The following RET variants were observed in gnomAD, a reference collection of about 807,000 sequenced individuals.
RET encodes the protein proto-oncogene tyrosine-protein kinase receptor Ret.
RET carries 19 observed loss-of-function variants against 118.3 expected under a neutral mutation model. The observed-to-expected ratio is 0.16, with a 90% confidence interval of 0.11 to 0.24. The LOEUF is 0.24. Ranked by LOEUF, RET falls within the 10% of genes least tolerant of loss-of-function variation. RET has a pLI of 1.00. For missense variants in RET, 1,219 were observed against 1,502.1 expected, an observed-to-expected ratio of 0.81 and a Z score of 3.12; for synonymous variants, 597 against 644.1, an observed-to-expected ratio of 0.93 and a Z score of 1.11.
At chr10:43,123,604 C>T in intron 16 of RET, 67 bp from the exon 17 acceptor site, 1 of 1,608,132 alleles carries the variant, frequency 6.2e-7, no homozygotes, top group Non-Finnish European at 8.5e-7. Flanking sequence ...GGGTGGATAT[C>T]TGGGCCCCCC....
chr10:43,099,808 A>G (rs1289585744), intron 1 of RET, among the ~76,000 whole-genome samples: 3 of 152,138 alleles, frequency 2.0e-5, no homozygotes, highest in African/African-American at 7.2e-5. Context: ...TCACCTTGGC[A>G]TGGTTTGTGT....
chr10:43,114,603 C>A lies in RET; in HGVS notation c.2003C>A (p.Pro668His), dbSNP rs1482522995. ...HCYHKFAHKP[P>H]ISSAEMTFRR... Reference sequence around the variant, plus strand: ...TACCACAAGTTTGCCCACAAGCCACCCATCTCCTCAGCTGAGATGACCTTC... The same window carrying A: ...TACCACAAGTTTGCCCACAAGCCACACATCTCCTCAGCTGAGATGACCTTC... The change falls in exon 11 of 20, where the codon CCC becomes CAC. Residue 668 changes from proline to histidine, a missense_variant. Pro to His is a moderately conservative substitution (Grantham distance 77). Transcript: ENST00000355710. The surrounding 1 kb of genome is among the most constrained non-coding windows in gnomAD (Gnocchi z 4.6). The A allele has an allele frequency of 6.2e-7, 1 of 1,613,180 alleles. No homozygotes were observed. The highest frequency in any genetic ancestry group is 8.5e-7 in the Non-Finnish European group (1 of 1,180,014).
intron 3 of RET, among the ~76,000 whole-genome samples, chr10:43,103,988 G>A (rs1400298786): frequency 1.3e-5 from 2 of 152,312 alleles, no homozygotes; most frequent in Middle Eastern, 3.4e-3. Flanking sequence ...GGTCAGGCTC[G>A]TTGAAGACTG....
intron 8 of RET, among the ~76,000 whole-genome samples, chr10:43,112,572 C>A (rs1837964255): frequency 6.6e-6 from 1 of 152,214 alleles, no homozygotes. Context: ...CAGAGGCCAG[C>A]CTGGGTGTGC....
intron 11 of RET, among the ~76,000 whole-genome samples, chr10:43,116,315 G>T (rs1838068679): frequency 6.6e-6 from 1 of 152,228 alleles, no homozygotes; most frequent in Non-Finnish European, 1.5e-5. Flanking sequence ...GGTCAGGGGA[G>T]ACAGTAGACC....
intron 19 of RET, chr10:43,127,554 A>G (rs903227969): frequency 1.4e-5 from 14 of 965,786 alleles, no homozygotes; most frequent in Non-Finnish European, 1.7e-5. Context: ...TGGAGTTTCA[A>G]GCATTTTTTT....
chr10:43,106,245 C>A lies in RET; in HGVS notation c.868-131C>A. 1 of 933,698 alleles carries A rather than the reference C, an allele frequency of 1.1e-6. No individual in the cohort carries two copies. The highest frequency in any genetic ancestry group is 1.7e-6 in the Non-Finnish European group (1 of 598,988). The allele number at this position is 933,698 out of a possible 1,614,324, so 57.8% of individuals were successfully genotyped here. ...AACCCAGGTCAGACTGTCCCCAGAC[C>A]TGGCTCTGACAACACACATCTGGTC... On this transcript the variant is annotated intron_variant, in intron 4 of 19. Transcript: ENST00000355710. The surrounding 1 kb of genome is among the most constrained non-coding windows in gnomAD (Gnocchi z 5.1).
intron 1 of RET, among the ~76,000 whole-genome samples, chr10:43,087,272 G>T (rs1198315833): frequency 6.6e-6 from 1 of 152,212 alleles, no homozygotes; most frequent in African/African-American, 2.4e-5. Flanking sequence ...ACCCTGCCTG[G>T]CTGGAGGTCC....
chr10:43,110,004 C>T (rs1255599398), intron 6 of RET, among the ~76,000 whole-genome samples: 3 of 152,324 alleles, frequency 2.0e-5, no homozygotes, highest in Middle Eastern at 3.4e-3. Flanking sequence ...CCAGTTCTTT[C>T]GGGTGGTTCT....
rs1479647837 is a variant in RET at position 43,110,608 on chromosome 10, A to C, written c.1264-599A>C. ...CAAAGTCCCAGAGCCTGGCATCCCC[A>C]GGAGAAGAGGCTCCTCTTTCCCAGA... On this transcript the variant is annotated intron_variant, in intron 6 of 19. Coordinates refer to ENST00000355710, the MANE Select transcript of RET (RefSeq NM_020975.6). Among the ~76,000 whole-genome samples, 4 of 152,118 alleles carry C rather than the reference A, an allele frequency of 2.6e-5. No homozygotes were observed. The East Asian group carries it at 7.7e-4, about 29-fold the overall frequency.
chr10:43,123,539 C>T (rs1263637623), intron 16 of RET, 132 bp from the exon 17 acceptor site: 3 of 1,208,980 alleles, frequency 2.5e-6, no homozygotes, highest in African/African-American at 1.5e-5. Flanking sequence ...CCCAGGCTGA[C>T]ATCTGTGAGC....
intron 15 of RET, among the ~76,000 whole-genome samples, chr10:43,121,676 A>G (rs1465142574): frequency 6.6e-6 from 1 of 152,188 alleles, no homozygotes. Flanking sequence ...ACTGCTCTGC[A>G]CTACCAGCAG....
intron 18 of RET, 97 bp from the exon 19 acceptor site, chr10:43,126,477 AC>A: frequency 9.1e-7 from 1 of 1,103,894 alleles, no homozygotes; most frequent in Non-Finnish European, 1.4e-6. Context: ...AGGTGGAGAC[AC>A]AGCCAGAGCC....
intron 1 of RET, among the ~76,000 whole-genome samples, chr10:43,087,382 G>A (rs1431086926): frequency 1.3e-5 from 2 of 152,218 alleles, no homozygotes; most frequent in African/African-American, 4.8e-5. Context: ...AGGCCGCACT[G>A]CCATGATGAT....
At chr10:43,091,369 C>T (rs527900918) in intron 1 of RET, among the ~76,000 whole-genome samples, 1 of 152,066 alleles carries the variant, frequency 6.6e-6, no homozygotes, top group African/African-American at 2.4e-5. Flanking sequence ...TGGCTCACTC[C>T]TGTAATCCTA....
chr10:43,123,814 C>T lies in RET; in HGVS notation c.2939+6C>T, dbSNP rs181245759. On this transcript the variant is annotated splice_donor_region_variant and intron_variant, in intron 17 of 19. Transcript: ENST00000355710. ...GACAACTGCAGCGAGGAGATGTGAG[C>T]GGGGACTGGCTTTGGCCCAGCCTCA... 2.7e-5 allele frequency: 43 copies of T among 1,613,882 alleles called. No individual in the cohort carries two copies. The East Asian group carries it at 4.7e-4, about 18-fold the overall frequency.
chr10:43,113,716 C>T (rs537164831), intron 10 of RET, 41 bp downstream of exon 10: 4 of 1,610,794 alleles, frequency 2.5e-6, no homozygotes, highest in Middle Eastern at 1.7e-4. Flanking sequence ...CCTCCCAGCC[C>T]CACAGAGGTC....
At chr10:43,092,203 G>A (rs1012019670) in intron 1 of RET, among the ~76,000 whole-genome samples, 5 of 152,182 alleles carry the variant, frequency 3.3e-5, no homozygotes, top group African/African-American at 9.7e-5. Context: ...GTTGAACCTC[G>A]AGGGCATTAT....
At chr10:43,082,283 C>A (rs992772648) in intron 1 of RET, among the ~76,000 whole-genome samples, 1 of 152,202 alleles carries the variant, frequency 6.6e-6, no homozygotes, top group Non-Finnish European at 1.5e-5. Flanking sequence ...TTAAGGACAG[C>A]AGTTCAGGTC....
Sources: allele counts gnomAD v4.1 joint callset (sites outside exome capture counted in the v4.1 genomes callset), GRCh38; gene constraint gnomAD v4.1.1; non-coding constraint Gnocchi (gnomAD v3.1); transcripts MANE v1.5; gene names NCBI Gene and HGNC (gene_info 2026-07-23, HGNC 2026-07-21).